SYNPR: variants seen among roughly 807,000 people sequenced by gnomAD.
SYNPR encodes synaptoporin.
In SYNPR, 23 loss-of-function variants were observed where a neutral mutation model predicts 32.9. The observed-to-expected ratio is 0.70, with a 90% CI of 0.50 to 0.99. The LOEUF (loss-of-function observed/expected upper bound fraction) is 0.99. Ranked by LOEUF, SYNPR falls within the 50% of genes least tolerant of loss-of-function variation. The pLI, the probability that SYNPR is intolerant of heterozygous loss-of-function variation, is 0.00. For missense variants in SYNPR, 318 were observed against 349.3 expected, an observed-to-expected ratio of 0.91 and a Z score of 0.71; for synonymous variants, 146 against 135.9, an observed-to-expected ratio of 1.07 and a Z score of -0.52.
intron 4 of SYNPR, among the ~76,000 whole-genome samples, chr3:63,608,274 T>C (rs1020025816): frequency 2.0e-5 from 3 of 152,134 alleles, no homozygotes; most frequent in Non-Finnish European, 4.4e-5. Context: ...TTTCGTTTGA[T>C]ATGGATAAAA....
intron 2 of SYNPR, among the ~76,000 whole-genome samples, chr3:63,323,753 A>G (rs1293355283): frequency 1.3e-5 from 2 of 152,146 alleles, no homozygotes; most frequent in Admixed American, 6.6e-5. Flanking sequence ...ACATTCAAAG[A>G]GAGTATATTA....
chr3:63,241,479 A>T (rs998342858), intron 1 of SYNPR, among the ~76,000 whole-genome samples: 1 of 152,124 alleles, frequency 6.6e-6, no homozygotes, highest in Non-Finnish European at 1.5e-5. Flanking sequence ...AATTGGTTTG[A>T]GAATGGGTAT....
intron 2 of SYNPR, among the ~76,000 whole-genome samples, chr3:63,376,917 A>G (rs1434025286): frequency 6.6e-6 from 1 of 152,160 alleles, no homozygotes; most frequent in Non-Finnish European, 1.5e-5. Context: ...TTCCTAGAGC[A>G]TAAAATGGCT....
At chr3:63,553,762 C>A (rs1229939144) in intron 3 of SYNPR, among the ~76,000 whole-genome samples, 1 of 152,154 alleles carries the variant, frequency 6.6e-6, no homozygotes, top group Non-Finnish European at 1.5e-5. Flanking sequence ...GCTCTTGTTG[C>A]CCAGGCTGGA....
rs1265491498 is a variant in SYNPR, at chr3:63,419,405, G to C, written c.85-61427G>C. ...GGAAAGCATGTCCCTCTTGGGCAAAGGGTTGTGGTCTAAGGGAAAGAAGCT... is the reference window on the plus strand; with the variant it reads ...GGAAAGCATGTCCCTCTTGGGCAAACGGTTGTGGTCTAAGGGAAAGAAGCT... On this transcript the variant is annotated intron_variant, in intron 2 of 5. Transcript: ENST00000478300. 3.3e-5 allele frequency among the ~76,000 whole-genome samples: 5 copies of C among 152,328 alleles called. No homozygotes were observed. The East Asian group carries it at 9.6e-4, about 29-fold the overall frequency.
intron 2 of SYNPR, among the ~76,000 whole-genome samples, chr3:63,460,294 A>C (rs1700558180): frequency 6.6e-6 from 1 of 152,208 alleles, no homozygotes; most frequent in Non-Finnish European, 1.5e-5. Context: ...TTCCTCAAAT[A>C]CACCAGGATC....
At chr3:63,587,535 G>C (rs1703210444) in intron 4 of SYNPR, among the ~76,000 whole-genome samples, 1 of 152,020 alleles carries the variant, frequency 6.6e-6, no homozygotes, top group Non-Finnish European at 1.5e-5. Flanking sequence ...TATATCAGCA[G>C]TTTCTTCCCA....
At chr3:63,421,420 T>C (rs1420292055) in intron 2 of SYNPR, among the ~76,000 whole-genome samples, 1 of 151,064 alleles carries the variant, frequency 6.6e-6, no homozygotes, top group African/African-American at 2.4e-5. Context: ...AAAAAAAACC[T>C]AAGCTCTGAT....
chr3:63,541,144 C>T (rs1273490688), intron 3 of SYNPR, among the ~76,000 whole-genome samples: 1 of 151,334 alleles, frequency 6.6e-6, no homozygotes, highest in African/African-American at 2.4e-5. Flanking sequence ...TTCCATTTTG[C>T]CCACCGCAGA....
chr3:63,376,854 C>T (rs1180200305), intron 2 of SYNPR, among the ~76,000 whole-genome samples: 1 of 151,944 alleles, frequency 6.6e-6, no homozygotes, highest in Non-Finnish European at 1.5e-5. Flanking sequence ...GACTCTTTCC[C>T]CCACTAAAAT....
chr3:63,287,884 C>G (rs1385880214), intron 2 of SYNPR, among the ~76,000 whole-genome samples: 1 of 152,104 alleles, frequency 6.6e-6, no homozygotes, highest in African/African-American at 2.4e-5. Flanking sequence ...TGGTGGAGAA[C>G]TTTTACAGAA....
At chr3:63,336,951 G>A (rs919504820) in intron 2 of SYNPR, among the ~76,000 whole-genome samples, 2 of 152,090 alleles carry the variant, frequency 1.3e-5, no homozygotes, top group Non-Finnish European at 1.5e-5. Context: ...TCCATGAAAG[G>A]TCAGGCATGG....
At chr3:63,591,798 G>A (rs910439128) in intron 4 of SYNPR, among the ~76,000 whole-genome samples, 1 of 110,462 alleles carries the variant, frequency 9.1e-6, no homozygotes, top group African/African-American at 3.5e-5. Flanking sequence ...ACACTCTGGG[G>A]ACTGTGGTGG....
At chr3:63,457,940 A>C (rs1306878442) in intron 2 of SYNPR, among the ~76,000 whole-genome samples, 2 of 152,094 alleles carry the variant, frequency 1.3e-5, no homozygotes, top group East Asian at 3.9e-4. Context: ...GCCTTTGTTT[A>C]CTTGAAATGA....
intron 2 of SYNPR, among the ~76,000 whole-genome samples, chr3:63,461,639 G>A (rs1700585749): frequency 6.6e-6 from 1 of 151,836 alleles, no homozygotes; most frequent in South Asian, 2.1e-4. Context: ...GCCAGGCTCT[G>A]CTTGTCTTTA....
In SYNPR at chr3:63,509,103, C is replaced by CATATAT. The variant is rs745994932; in HGVS notation, c.209+28159_209+28164dup. 2.7e-3 allele frequency among the ~76,000 whole-genome samples: 402 copies of CATATAT among 146,912 alleles called. 2 individuals are homozygous for CATATAT. Among genetic ancestry groups the CATATAT allele is most frequent in the African/African-American group, 9.4e-3 (378 of 40,250 alleles). On this transcript the variant is annotated intron_variant, in intron 3 of 5. Coordinates refer to ENST00000478300, the MANE Select transcript of SYNPR (RefSeq NM_001130003.2). The stretch of plus-strand genomic sequence containing the variant: ...TCCTTAATACTCATGTACCTTTCAG[C>CATATAT]ATATATATATATATATACACACACA...
intron 4 of SYNPR, among the ~76,000 whole-genome samples, chr3:63,590,989 C>G (rs1423609617): frequency 2.0e-5 from 3 of 147,664 alleles, no homozygotes; most frequent in Non-Finnish European, 4.5e-5. Context: ...TTCTGCATAG[C>G]AAAAGAAACT....
In SYNPR at chr3:63,298,693, C is replaced by T. The variant is rs140645524; in HGVS notation, c.84+19951C>T. Among the ~76,000 whole-genome samples, 426 of 152,194 alleles carry T rather than the reference C, an allele frequency of 2.8e-3. 1 individual carries two copies. Among genetic ancestry groups the T allele is most frequent in the African/African-American group, 9.6e-3 (398 of 41,518 alleles). On this transcript the variant is annotated intron_variant, in intron 2 of 5. Coordinates refer to ENST00000478300, the MANE Select transcript of SYNPR (RefSeq NM_001130003.2). ...AGTTTGGATTCCCCAAAAACAGACT[C>T]TGAGGTAAGGATTCAAGTACCTTAT...
chr3:63,261,711 T>TATAATAATAATAATAATAATA (rs60616720), intron 2 of SYNPR, among the ~76,000 whole-genome samples: 8 of 145,624 alleles, frequency 5.5e-5, no homozygotes, highest in South Asian at 2.3e-4. Context: ...AAACTTAAAG[T>TATAATAATAATAATAATAATA]ATAATAATAA....
Sources: allele counts gnomAD v4.1 joint callset (sites outside exome capture counted in the v4.1 genomes callset), GRCh38; gene constraint gnomAD v4.1.1; transcripts MANE v1.5; gene names NCBI Gene and HGNC (gene_info 2026-07-23, HGNC 2026-07-21).